The following NECAB1 variants were observed in gnomAD, a reference collection of about 807,000 sequenced individuals.
The protein encoded by NECAB1 is N-terminal EF-hand calcium-binding protein 1.
In NECAB1, 29 loss-of-function variants were observed where a neutral mutation model predicts 57.5. The observed-to-expected ratio is 0.50, with a 90% CI of 0.38 to 0.69. The LOEUF is 0.69. Ranked by LOEUF, NECAB1 falls within the 30% of genes least tolerant of loss-of-function variation. The pLI is 0.00. For missense variants in NECAB1, 372 were observed against 413.8 expected (o/e 0.90, Z 0.88); for synonymous variants, 142 against 147.7 (o/e 0.96, Z 0.28).
At chr8:90,945,103 G>A (rs181432091) in intron 10 of NECAB1, among the ~76,000 whole-genome samples, 206 of 151,916 alleles carry the variant, frequency 1.4e-3, no homozygotes, top group Non-Finnish European at 2.4e-3. Flanking sequence ...TCGCTCTGTC[G>A]CCCAGGCTGG....
intron 3 of NECAB1, among the ~76,000 whole-genome samples, chr8:90,858,120 T>A (rs1010285037): frequency 1.3e-5 from 2 of 152,192 alleles, no homozygotes; most frequent in African/African-American, 4.8e-5. Flanking sequence ...TAAACAACAA[T>A]GAAAATCTCC....
At chr8:90,846,363 CT>C (rs1245111528) in intron 3 of NECAB1, among the ~76,000 whole-genome samples, 1 of 152,190 alleles carries the variant, frequency 6.6e-6, no homozygotes, top group African/African-American at 2.4e-5. Flanking sequence ...GCTCTTGATA[CT>C]TCAAGTAGAA....
chr8:90,818,810 T>C (rs1812098965), intron 2 of NECAB1, among the ~76,000 whole-genome samples: 3 of 152,010 alleles, frequency 2.0e-5, no homozygotes, highest in Non-Finnish European at 4.4e-5. Flanking sequence ...TTGGCCATTA[T>C]TATTTGAAAT....
chr8:90,902,672 A>G (rs1307186756), intron 5 of NECAB1, among the ~76,000 whole-genome samples: 1 of 152,188 alleles, frequency 6.6e-6, no homozygotes, highest in Non-Finnish European at 1.5e-5. Context: ...TCAATTAAAA[A>G]TGTTTAAAAT....
chr8:90,922,481 C>T lies in NECAB1; in HGVS notation c.495-3054C>T, dbSNP rs1324605446. On this transcript the variant is annotated intron_variant, in intron 6 of 12. Transcript: ENST00000417640. ...CCCTGACCACCAAAGCTGCCAAAAA[C>T]TTGGATTTTTTTTTTTTTTTTTTTT... 1.0e-4 allele frequency among the ~76,000 whole-genome samples: 9 copies of T among 88,572 alleles called. No homozygotes were observed. In the Admixed American group the frequency reaches 1.3e-3, roughly 13 times the overall value. 58.1% of individuals were successfully genotyped at this position (88,572 alleles called of 152,430 possible).
chr8:90,952,035 C>T (rs146412283), intron 12 of NECAB1, among the ~76,000 whole-genome samples: 225 of 151,938 alleles, frequency 1.5e-3, no homozygotes, highest in Non-Finnish European at 2.3e-3. Context: ...TGGAGACAGA[C>T]GAGAGAGTAA....
intron 2 of NECAB1, among the ~76,000 whole-genome samples, chr8:90,814,756 TATA>T (rs1486133583): frequency 2.0e-5 from 3 of 152,238 alleles, no homozygotes; most frequent in African/African-American, 7.2e-5. Flanking sequence ...GCTCATCTTT[TATA>T]ATCTCTACTC....
chr8:90,823,928 C>A (rs1213982896), intron 2 of NECAB1, among the ~76,000 whole-genome samples: 1 of 151,668 alleles, frequency 6.6e-6, no homozygotes, highest in Non-Finnish European at 1.5e-5. Flanking sequence ...AATCTTTTGC[C>A]TGTTATTAAT....
Position 90,824,777 on chromosome 8 carries a change from GAGA to G in NECAB1, c.190_192del (p.Glu64del). ...TATTTTGCAGATGGTGTTCTCAGTG[GAGA>G]AGAATTACACGAGCTTTTCCATACC... On this transcript the variant is annotated inframe_deletion, in exon 3 of 13. Coordinates refer to ENST00000417640, the MANE Select transcript of NECAB1 (RefSeq NM_022351.5). The G allele has an allele frequency of 6.4e-7, 1 of 1,553,048 alleles. No individual in the cohort carries two copies. The highest frequency in any genetic ancestry group is 1.9e-5 in the Admixed American group (1 of 51,988).
chr8:90,894,903 GT>G, intron 5 of NECAB1, among the ~76,000 whole-genome samples: 1 of 152,126 alleles, frequency 6.6e-6, no homozygotes, highest in Non-Finnish European at 1.5e-5. Flanking sequence ...ATAAGTGTAA[GT>G]GCTTCATGAG....
At chr8:90,949,067 A>G (rs1206200564) in intron 10 of NECAB1, among the ~76,000 whole-genome samples, 1 of 152,144 alleles carries the variant, frequency 6.6e-6, no homozygotes, top group Non-Finnish European at 1.5e-5. Context: ...AAGAAATTTA[A>G]AAGTAAAACA....
chr8:90,877,701 G>C (rs901382), intron 4 of NECAB1, among the ~76,000 whole-genome samples: 66,733 of 151,984 alleles, frequency 0.44, 17,230 homozygotes, highest in East Asian at 0.77. Context: ...AGAGGATTCT[G>C]ATGCAGGTGG....
rs189679710 is a variant in NECAB1 at position 90,920,966 on chromosome 8, C to G, written c.494+3338C>G. On this transcript the variant is annotated intron_variant, in intron 6 of 12. Transcript: ENST00000417640. ...ACCAATCTAACAGTCATCTGGGGTT[C>G]AGAAAGATCTTAAAAGCTAGAAAGA... Among the ~76,000 whole-genome samples, 44 of 152,232 alleles carry G rather than the reference C, an allele frequency of 2.9e-4. No homozygotes were observed. In the East Asian group the frequency reaches 6.4e-3, roughly 22 times the overall value.
intron 2 of NECAB1, among the ~76,000 whole-genome samples, chr8:90,804,654 TAAC>T (rs1201895962): frequency 6.6e-6 from 1 of 152,216 alleles, no homozygotes; most frequent in Non-Finnish European, 1.5e-5. Context: ...CAATTTATGA[TAAC>T]AATTAAAATA....
chr8:90,892,236 A>G (rs1454529780), intron 5 of NECAB1, among the ~76,000 whole-genome samples: 1 of 151,414 alleles, frequency 6.6e-6, no homozygotes, highest in Non-Finnish European at 1.5e-5. Flanking sequence ...AATGAAATAA[A>G]ATTGAGGTGG....
At chr8:90,792,927 CT>C (rs1811599714) in intron 1 of NECAB1, among the ~76,000 whole-genome samples, 1 of 152,274 alleles carries the variant, frequency 6.6e-6, no homozygotes, top group South Asian at 2.1e-4. Context: ...CACATTCATG[CT>C]GTTGCCGGAG....
intron 10 of NECAB1, among the ~76,000 whole-genome samples, chr8:90,942,621 C>T (rs533708258): frequency 1.4e-4 from 21 of 152,298 alleles, no homozygotes; most frequent in African/African-American, 3.6e-4. Flanking sequence ...CAGTGGCTCA[C>T]GCCTATAATC....
chr8:90,927,204 C>CTCTTTT (rs10630870), intron 7 of NECAB1, among the ~76,000 whole-genome samples: 7,717 of 130,878 alleles, frequency 0.059, 929 homozygotes, highest in African/African-American at 0.17. Context: ...TTTTCTCTCT[C>CTCTTTT]TTTTTTTTTT....
chr8:90,875,487 C>CAAAAAAAAAAAAAA (rs35777818), intron 4 of NECAB1, among the ~76,000 whole-genome samples: 1 of 41,478 alleles, frequency 2.4e-5, no homozygotes, highest in African/African-American at 1.4e-4. Context: ...GACTCCGTCT[C>CAAAAAAAAAAAAAA]AAAAAAAAAA....
Sources: gnomAD v4.1 joint callset for allele counts (sites outside exome capture counted in the v4.1 genomes callset) on GRCh38, gnomAD v4.1.1 for gene constraint, MANE v1.5 for transcripts, NCBI Gene and HGNC (gene_info 2026-07-23, HGNC 2026-07-21) for gene names.